Variants in STIMATE observed in about 807,000 individuals in gnomAD.
STIMATE encodes store-operated calcium entry regulator STIMATE.
A neutral mutation model predicts 36.7 loss-of-function variants in STIMATE; 15 were observed. The observed-to-expected ratio is 0.41, with a 90% CI of 0.27 to 0.63. The LOEUF (loss-of-function observed/expected upper bound fraction) is 0.63. STIMATE is among the 20% of genes least tolerant of loss of function. The pLI, the probability that STIMATE is intolerant of heterozygous loss-of-function variation, is 0.32. For synonymous variants in STIMATE, 163 were observed against 162.3 expected (o/e 1.00, Z -0.03); for missense variants, 305 against 397.3 (o/e 0.77, Z 1.98).
At chr3:52,843,586 G>A in intron 6 of STIMATE, 135 bp downstream of exon 6, 2 of 1,317,948 alleles carry the variant, frequency 1.5e-6, no homozygotes, top group East Asian at 4.7e-5. Flanking sequence ...CAGGTCTGGG[G>A]GTGGGAGAGG....
chr3:52,897,254 G>A (rs1170503008), intron 1 of STIMATE, 37 bp downstream of exon 1: 1 of 1,528,352 alleles, frequency 6.5e-7, no homozygotes, highest in Admixed American at 2.0e-5. Context: ...CGGCTGCCGC[G>A]CAGGGCCTCC....
intron 1 of STIMATE, among the ~76,000 whole-genome samples, chr3:52,856,642 C>G (rs188670880): frequency 4.6e-5 from 7 of 152,098 alleles, no homozygotes; most frequent in African/African-American, 1.7e-4. Flanking sequence ...CAAGACTGCA[C>G]CATTGCACTC....
chr3:52,865,607 C>T (rs1033367552), intron 1 of STIMATE, among the ~76,000 whole-genome samples: 7 of 141,402 alleles, frequency 5.0e-5, no homozygotes, highest in Non-Finnish European at 1.1e-4. Context: ...TTCACTACCA[C>T]AAGAACAATG....
At chr3:52,854,511 C>T (rs1020649096) in intron 2 of STIMATE, among the ~76,000 whole-genome samples, 1 of 152,238 alleles carries the variant, frequency 6.6e-6, no homozygotes, top group Admixed American at 6.5e-5. Context: ...GAAGGGGGCA[C>T]ACCCCAACTC....
At position 52,897,442 on chromosome 3, in the gene STIMATE, G is replaced by A. The variant is rs1049588770; in HGVS notation, c.9C>T (p.Gly3=). The A allele has an allele frequency of 2.1e-6, 3 of 1,419,510 alleles. No homozygotes were observed. Among genetic ancestry groups the A allele is most frequent in the African/African-American group, 3.0e-5 (2 of 66,430 alleles). The allele number at this position is 1,419,510 out of a possible 1,614,324, so 87.9% of individuals were successfully genotyped here. ...GTCCCCGGCTCGCGTTCCCGGCGGG[G>A]CCCTGCATGACAGGCCTCGCGGGAG... The part of the protein sequence containing the change: MQ[G]PAGNASRGLP... Residue 3 remains glycine (G), a synonymous_variant, in exon 1 of 8, where the codon GGC becomes GGT. Transcript: ENST00000355083.
intron 1 of STIMATE, among the ~76,000 whole-genome samples, chr3:52,888,337 C>T (rs187927613): frequency 2.6e-5 from 4 of 152,232 alleles, no homozygotes; most frequent in Admixed American, 1.3e-4. Flanking sequence ...CAAGCCTCCC[C>T]GACATAGTCC....
At chr3:52,887,332 T>C (rs1325916442) in intron 1 of STIMATE, among the ~76,000 whole-genome samples, 2 of 152,210 alleles carry the variant, frequency 1.3e-5, no homozygotes, top group African/African-American at 2.4e-5. Context: ...CATTTCGCCA[T>C]AGCATCTTCA....
intron 1 of STIMATE, among the ~76,000 whole-genome samples, chr3:52,873,223 C>T (rs1290647183): frequency 6.6e-6 from 1 of 152,206 alleles, no homozygotes; most frequent in Non-Finnish European, 1.5e-5. Flanking sequence ...GTGTCATCTG[C>T]TAAGATAATG....
At chr3:52,844,742 T>A (rs1368563580) in intron 5 of STIMATE, 87 bp downstream of exon 5, 1 of 1,503,060 alleles carries the variant, frequency 6.7e-7, no homozygotes, top group African/African-American at 1.4e-5. Flanking sequence ...AGTTTGGTTT[T>A]CCTAGAGTTG....
intron 1 of STIMATE, among the ~76,000 whole-genome samples, chr3:52,896,240 C>A (rs1020180982): frequency 2.0e-5 from 3 of 152,210 alleles, no homozygotes; most frequent in Admixed American, 2.0e-4. Context: ...CTCCTGAGTA[C>A]CCCAAAGCAT....
Position 52,840,057 on chromosome 3 carries a change from G to A in STIMATE, c.*437C>T, listed in dbSNP as rs969179157. The A allele has an allele frequency of 2.6e-5, 4 of 152,606 alleles. No individual in the cohort carries two copies. Among genetic ancestry groups the A allele is most frequent in the Non-Finnish European group, 4.4e-5 (3 of 68,040 alleles). The allele number at this position is 152,606 out of a possible 1,614,324, so 9.5% of individuals were successfully genotyped here. ...GCATTCCGGTTCCAACTTGGTCAAC[G>A]AGTCACTTTTAGCCCGAGGGTGTTA... On this transcript the variant is annotated 3_prime_UTR_variant, in exon 8 of 8. Transcript: ENST00000355083.
intron 6 of STIMATE, 72 bp from the exon 7 acceptor site, chr3:52,843,032 C>T (rs371166414): frequency 2.6e-5 from 41 of 1,596,250 alleles, no homozygotes; most frequent in South Asian, 6.8e-5. Context: ...AGCCCCCATC[C>T]GCCCACTCCC....
intron 1 of STIMATE, among the ~76,000 whole-genome samples, chr3:52,862,172 C>A (rs1701228323): frequency 6.6e-6 from 1 of 152,196 alleles, no homozygotes; most frequent in Non-Finnish European, 1.5e-5. Context: ...GGGCTCCTTA[C>A]TCTCCTCCTT....
At chr3:52,871,359 C>T (rs951655279) in intron 1 of STIMATE, among the ~76,000 whole-genome samples, 1 of 152,058 alleles carries the variant, frequency 6.6e-6, no homozygotes, top group Admixed American at 6.5e-5. Flanking sequence ...GAACCCAGGC[C>T]GGACTGCTCA....
At chr3:52,858,925 G>A (rs1026979324) in intron 1 of STIMATE, among the ~76,000 whole-genome samples, 7 of 151,882 alleles carry the variant, frequency 4.6e-5, no homozygotes, top group African/African-American at 1.5e-4. Context: ...TAGGGAGGCC[G>A]AGGTGGGCAG....
At chr3:52,852,535 A>G in intron 3 of STIMATE, 68 bp downstream of exon 3, 1 of 1,597,114 alleles carries the variant, frequency 6.3e-7, no homozygotes. Flanking sequence ...CAGCAGCAGA[A>G]AGCAAGGCCA....
In STIMATE at chr3:52,839,740, C is replaced by A. The variant is rs543283632; in HGVS notation, c.*754G>T. 1.3e-5 allele frequency: 2 copies of A among 152,296 alleles called. No homozygotes were observed. Among genetic ancestry groups the A allele is most frequent in the Non-Finnish European group, 2.9e-5 (2 of 68,020 alleles). The allele number at this position is 152,296 out of a possible 1,614,324, so 9.4% of individuals were successfully genotyped here. A position where few individuals can be genotyped will look rare whatever the true frequency, so the allele number is the denominator to read the frequency against. On this transcript the variant is annotated 3_prime_UTR_variant, in exon 8 of 8. Transcript: ENST00000355083. ...TCATAGGGCATCATCTAATAATATT[C>A]CAAATAAAAAACTCCCGATTTTTCC...
intron 1 of STIMATE, among the ~76,000 whole-genome samples, chr3:52,888,658 C>T (rs1257202446): frequency 1.3e-5 from 2 of 152,014 alleles, no homozygotes; most frequent in South Asian, 2.1e-4. Flanking sequence ...GAAAAGCCCA[C>T]GAAGAACACA....
chr3:52,892,998 C>T (rs1045373427), intron 1 of STIMATE, among the ~76,000 whole-genome samples: 2 of 151,208 alleles, frequency 1.3e-5, no homozygotes, highest in Non-Finnish European at 2.9e-5. Context: ...GAATGTGGGG[C>T]ACTCCACACA....
Sources: allele counts gnomAD v4.1 joint callset (sites outside exome capture counted in the v4.1 genomes callset), GRCh38; gene constraint gnomAD v4.1.1; transcripts MANE v1.5; gene names NCBI Gene and HGNC (gene_info 2026-07-23, HGNC 2026-07-21).